The following SDK1 variants were observed in gnomAD, a reference collection of about 807,000 sequenced individuals.
The protein encoded by SDK1 is sidekick cell adhesion molecule 1, also known as protein sidekick-1.
Under a neutral mutation model 245.5 loss-of-function variants are expected in SDK1, and 157 were observed. The observed-to-expected ratio is 0.64, with a 90% CI of 0.56 to 0.73. SDK1 has a LOEUF of 0.73. SDK1 is among the 30% of genes least tolerant of loss of function. The pLI, the probability that SDK1 is intolerant of heterozygous loss-of-function variation, is 0.00. For missense variants in SDK1, 3,583 were observed against 3,002.3 expected (o/e 1.19, Z -4.52); for synonymous variants, 1,647 against 1,278.5 (o/e 1.29, Z -6.15).
intron 1 of SDK1, among the ~76,000 whole-genome samples, chr7:3,572,746 G>A (rs753151169): frequency 1.3e-5 from 2 of 152,088 alleles, no homozygotes; most frequent in Non-Finnish European, 2.9e-5. Flanking sequence ...TCCAGTCATT[G>A]CCTTCACAGG....
intron 22 of SDK1, among the ~76,000 whole-genome samples, chr7:4,099,997 A>G (rs1469745004): frequency 6.6e-6 from 1 of 151,974 alleles, no homozygotes; most frequent in Non-Finnish European, 1.5e-5. Context: ...TCAGGAGCTC[A>G]GTGTCTCTCG....
intron 1 of SDK1, among the ~76,000 whole-genome samples, chr7:3,412,807 C>T (rs1779251008): frequency 6.6e-6 from 1 of 152,162 alleles, no homozygotes; most frequent in African/African-American, 2.4e-5. Flanking sequence ...TAACCCATGC[C>T]TGGAAGATTT....
chr7:4,088,185 C>A (rs1781548269), intron 22 of SDK1, among the ~76,000 whole-genome samples: 1 of 152,118 alleles, frequency 6.6e-6, no homozygotes, highest in African/African-American at 2.4e-5. Flanking sequence ...GGTGTTACAG[C>A]CAGAAACTTT....
At chr7:3,928,049 A>G (rs1024069436) in intron 5 of SDK1, among the ~76,000 whole-genome samples, 7 of 152,186 alleles carry the variant, frequency 4.6e-5, no homozygotes, top group African/African-American at 9.7e-5. Flanking sequence ...TTATCTTTCC[A>G]TTTGCACCTT....
At chr7:4,216,513 TAA>T (rs1784806510) in intron 38 of SDK1, among the ~76,000 whole-genome samples, 1 of 152,192 alleles carries the variant, frequency 6.6e-6, no homozygotes, top group African/African-American at 2.4e-5. Context: ...ACAAAAGCGG[TAA>T]CTGGACCTCC....
chr7:3,410,427 A>T (rs992552192), intron 1 of SDK1, among the ~76,000 whole-genome samples: 3 of 152,164 alleles, frequency 2.0e-5, no homozygotes, highest in African/African-American at 7.2e-5. Flanking sequence ...AAATCTGAAA[A>T]TATCAGAAAT....
At chr7:3,415,737 TC>T (rs1160815228) in intron 1 of SDK1, among the ~76,000 whole-genome samples, 8 of 149,678 alleles carry the variant, frequency 5.3e-5, no homozygotes, top group Admixed American at 2.0e-4. Context: ...ATATATATAT[TC>T]ATATACAAAT....
Position 3,419,783 on chromosome 7 carries a change from ATGCT to A in SDK1, c.298+117900_298+117903del, listed in dbSNP as rs576285695. On this transcript the variant is annotated intron_variant, in intron 1 of 44. Coordinates refer to ENST00000404826, the MANE Select transcript of SDK1 (RefSeq NM_152744.4). The stretch of plus-strand genomic sequence containing the variant: ...GTTCCCAGTGTTCAAGAAATGCCCT[ATGCT>A]ATTAACAGAGAATTAACAGGTTTCT... Among the ~76,000 whole-genome samples, 272 of 152,344 alleles carry A rather than the reference ATGCT, an allele frequency of 1.8e-3. 2 individuals are homozygous for A. The highest frequency in any genetic ancestry group is 5.6e-3 in the Admixed American group (86 of 15,314).
At chr7:4,245,207 C>A (rs758636117) in intron 43 of SDK1, among the ~76,000 whole-genome samples, 2 of 152,114 alleles carry the variant, frequency 1.3e-5, no homozygotes, top group South Asian at 4.1e-4. Flanking sequence ...ACAGGGAGAC[C>A]AGGCCTGGTG....
chr7:3,642,918 TA>T (rs1310862405), intron 4 of SDK1: 1 of 152,250 alleles, frequency 6.6e-6, no homozygotes, highest in Non-Finnish European at 1.5e-5. Flanking sequence ...TGCACTCAGA[TA>T]AAAATTCATC....
intron 1 of SDK1, among the ~76,000 whole-genome samples, chr7:3,566,637 A>G (rs1422747043): frequency 6.6e-6 from 1 of 152,076 alleles, no homozygotes; most frequent in Non-Finnish European, 1.5e-5. Flanking sequence ...CAGATGACAG[A>G]ATGGAAAATG....
chr7:4,259,486 C>T (rs559712744), intron 44 of SDK1, among the ~76,000 whole-genome samples: 3 of 152,302 alleles, frequency 2.0e-5, no homozygotes, highest in Admixed American at 6.5e-5. Context: ...TCCCTGATCT[C>T]TTAGCTGAAA....
At chr7:3,399,563 T>G (rs73296368) in intron 1 of SDK1, among the ~76,000 whole-genome samples, 10,008 of 152,212 alleles carry the variant, frequency 0.066, 925 homozygotes, top group African/African-American at 0.21. Flanking sequence ...TCAAATTTGT[T>G]ATCCCCCCAG....
intron 5 of SDK1, among the ~76,000 whole-genome samples, chr7:3,859,920 G>T (rs1189452533): frequency 6.7e-6 from 1 of 150,270 alleles, no homozygotes; most frequent in Non-Finnish European, 1.5e-5. Context: ...AGAACTGATA[G>T]AAATTTTTTT....
At chr7:3,872,735 AAT>A (rs1291435072) in intron 5 of SDK1, among the ~76,000 whole-genome samples, 1 of 152,032 alleles carries the variant, frequency 6.6e-6, no homozygotes, top group East Asian at 1.9e-4. Context: ...TCACTGATTT[AAT>A]GCCTTTTTTC....
intron 4 of SDK1, among the ~76,000 whole-genome samples, chr7:3,713,701 A>G (rs1477719742): frequency 6.6e-6 from 1 of 152,232 alleles, no homozygotes; most frequent in Non-Finnish European, 1.5e-5. Context: ...TGATCATAGA[A>G]CCTGGACTAG....
rs183485157 is a variant in SDK1 at position 3,802,376 on chromosome 7, T to A, written c.714-19074T>A. Among the ~76,000 whole-genome samples the A allele has an allele frequency of 6.9e-3, 1,055 of 151,912 alleles. 4 individuals carry two copies. The highest frequency in any genetic ancestry group is 0.011 in the Non-Finnish European group (726 of 67,954). ...TTATTTCTAAAAAAATAAAAATAAA[T>A]AAATAAAAATTAGCCAGGCATGGTG... On this transcript the variant is annotated intron_variant, in intron 4 of 44. Coordinates refer to ENST00000404826, the MANE Select transcript of SDK1 (RefSeq NM_152744.4).
chr7:3,822,269 G>T (rs146520522), intron 5 of SDK1, among the ~76,000 whole-genome samples: 353 of 152,316 alleles, frequency 2.3e-3, no homozygotes, highest in Non-Finnish European at 3.9e-3. Flanking sequence ...CTTGTCATCA[G>T]ATGTTTGCAG....
chr7:3,576,445 A>G (rs1780294665), intron 1 of SDK1, among the ~76,000 whole-genome samples: 1 of 152,036 alleles, frequency 6.6e-6, no homozygotes, highest in Non-Finnish European at 1.5e-5. Flanking sequence ...TACACAAAAC[A>G]TTGAGCAAAG....
Sources: gnomAD v4.1 joint callset for allele counts (sites outside exome capture counted in the v4.1 genomes callset) on GRCh38, gnomAD v4.1.1 for gene constraint, MANE v1.5 for transcripts, NCBI Gene and HGNC (gene_info 2026-07-23, HGNC 2026-07-21) for gene names.